Variants in ELOB observed in about 807,000 individuals in gnomAD.
The protein encoded by ELOB is elongin B, also known as elongin-B.
ELOB carries 3 observed loss-of-function variants against 12.9 expected under a neutral mutation model. The observed-to-expected ratio is 0.23, with a 90% confidence interval of 0.11 to 0.60. ELOB has a LOEUF of 0.60. Among genes scored for constraint, ELOB ranks in the 20% least tolerant of loss-of-function variants. The probability of loss-of-function intolerance (pLI) is 0.89; values close to 1 mark genes in which losing one functional copy is unlikely to be tolerated. For synonymous variants in ELOB, 84 were observed against 67.4 expected, an observed-to-expected ratio of 1.25 and a Z score of -1.21; for missense variants, 126 against 159.2, an observed-to-expected ratio of 0.79 and a Z score of 1.12.
Position 2,772,200 on chromosome 16 carries a change from T to G in ELOB, c.245-98A>C. 3.6e-6 allele frequency: 5 copies of G among 1,383,664 alleles called. No individual in the cohort carries two copies. In the South Asian group the frequency reaches 7.5e-5, roughly 21 times the overall value. The allele number at this position is 1,383,664 out of a possible 1,614,324, so 85.7% of individuals were successfully genotyped here. ...GTGATCATCTGCAGCTTTGGGGATC[T>G]CCATGCGAACGCCCCTCCACACGGC... is the stretch of plus-strand genomic sequence containing the variant. On this transcript the variant is annotated intron_variant, in intron 3 of 3. Transcript: ENST00000409906.
chr16:2,772,288 C>T, intron 3 of ELOB, 186 bp from the exon 4 acceptor site: 1 of 652,866 alleles, frequency 1.5e-6, no homozygotes, highest in Non-Finnish European at 2.3e-6. Context: ...GGTAATGTCT[C>T]CTACCCCTGT....
chr16:2,776,824 C>T (rs1160810660), intron 2 of ELOB, among the ~76,000 whole-genome samples, 169 bp downstream of exon 2: 8 of 152,092 alleles, frequency 5.3e-5, no homozygotes, highest in Non-Finnish European at 1.2e-4. Flanking sequence ...CGGAGATCCC[C>T]GCGGCGAGCG....
rs973797010 is a variant in ELOB at position 2,777,275 on chromosome 16, A to G, written c.-36T>C. The G allele has an allele frequency of 3.3e-5, 33 of 1,012,088 alleles. No homozygotes were observed. The African/African-American group carries it at 5.1e-4, about 16-fold the overall frequency. 62.7% of individuals were successfully genotyped at this position (1,012,088 alleles called of 1,614,324 possible). A position where few individuals can be genotyped will look rare whatever the true frequency, so the allele number is the denominator to read the frequency against. ...GCCTCTCCCCTCGACGCGCCGGCGCAGCCGCGCTCCGCCCCGTTCCCGGCA... is the reference window on the plus strand; with the variant it reads ...GCCTCTCCCCTCGACGCGCCGGCGCGGCCGCGCTCCGCCCCGTTCCCGGCA... On this transcript the variant is annotated 5_prime_UTR_variant, in exon 1 of 4. Transcript: ENST00000409906.
chr16:2,776,935 G>A (rs1245681645), intron 2 of ELOB, 58 bp downstream of exon 2: 12 of 1,520,334 alleles, frequency 7.9e-6, no homozygotes, highest in South Asian at 2.4e-5. Flanking sequence ...CAGCGTAGGC[G>A]TCAGCCCCGT....
At chr16:2,772,279 G>A (rs2068764008) in intron 3 of ELOB, 177 bp from the exon 4 acceptor site, 1 of 710,090 alleles carries the variant, frequency 1.4e-6, no homozygotes, top group African/African-American at 1.9e-5. Flanking sequence ...TGGCCCCACG[G>A]TAATGTCTCC....
At chr16:2,772,340 C>T in intron 3 of ELOB, 1 of 337,912 alleles carries the variant, frequency 3.0e-6, no homozygotes, top group African/African-American at 2.1e-5. Context: ...ACTGACCATG[C>T]TGGGGCCCCT....
At chr16:2,775,337 G>C in intron 3 of ELOB, 114 bp downstream of exon 3, 1 of 592,316 alleles carries the variant, frequency 1.7e-6, no homozygotes, top group East Asian at 3.1e-5. Flanking sequence ...CTTTAGGCAC[G>C]AGGAAGACAC....
chr16:2,776,918 T>A, intron 2 of ELOB, 75 bp downstream of exon 2: 1 of 1,481,148 alleles, frequency 6.8e-7, no homozygotes, highest in East Asian at 2.9e-5. Context: ...ACTGTTTACA[T>A]CGCGGACAGC....
intron 3 of ELOB, among the ~76,000 whole-genome samples, chr16:2,775,172 C>A (rs1324605800): frequency 1.3e-5 from 2 of 151,430 alleles, no homozygotes; most frequent in African/African-American, 4.8e-5. Context: ...GAGTAACATG[C>A]AGAGCACGGA....
At chr16:2,777,165 C>T (rs766827848) in intron 1 of ELOB, 38 bp from the exon 2 acceptor site, 4 of 1,240,098 alleles carry the variant, frequency 3.2e-6, no homozygotes, top group African/African-American at 1.6e-5. Flanking sequence ...GAAGCCCGGG[C>T]CCCCCGCGCG....
At chr16:2,775,591 A>G in intron 2 of ELOB, 35 bp from the exon 3 acceptor site, 1 of 1,574,348 alleles carries the variant, frequency 6.4e-7, no homozygotes, top group Middle Eastern at 1.7e-4. Flanking sequence ...GAGAGGCCCT[A>G]CATGGGGCAA....
chr16:2,775,307 G>C (rs888709407), intron 3 of ELOB, 144 bp downstream of exon 3: 2 of 496,988 alleles, frequency 4.0e-6, no homozygotes, highest in African/African-American at 3.9e-5. Context: ...CAAACACATT[G>C]TGAAAGGATA....
chr16:2,772,804 CG>C (rs1267201848), intron 3 of ELOB, among the ~76,000 whole-genome samples: 1 of 152,034 alleles, frequency 6.6e-6, no homozygotes, highest in African/African-American at 2.4e-5. Flanking sequence ...AAGTCCTTGC[CG>C]TCTGTCTCTC....
chr16:2,774,856 G>A (rs560760574), intron 3 of ELOB, among the ~76,000 whole-genome samples: 1 of 152,226 alleles, frequency 6.6e-6, no homozygotes. Context: ...CCAGGCTCTG[G>A]ATCTGAATCC....
intron 3 of ELOB, among the ~76,000 whole-genome samples, chr16:2,773,977 C>G (rs371482727): frequency 6.6e-6 from 1 of 152,310 alleles, no homozygotes; most frequent in East Asian, 1.9e-4. Flanking sequence ...GGCCTGTAAT[C>G]CCAGCACTTT....
chr16:2,774,090 C>T (rs190942798), intron 3 of ELOB, among the ~76,000 whole-genome samples: 2 of 152,146 alleles, frequency 1.3e-5, no homozygotes, highest in Non-Finnish European at 2.9e-5. Flanking sequence ...ATTAGCTGGG[C>T]GTGGTGGCAC....
At chr16:2,776,922 G>A in intron 2 of ELOB, 71 bp downstream of exon 2, 4 of 1,500,896 alleles carry the variant, frequency 2.7e-6, no homozygotes, top group Middle Eastern at 4.8e-4. Context: ...TTTACATCGC[G>A]GACAGCGTAG....
In ELOB at chr16:2,775,471, A is replaced by G. The variant is rs771712090; in HGVS notation, c.224T>C (p.Val75Ala). The stretch of plus-strand genomic sequence containing the variant: ...CTCACCTGCCCGGAAGGCCAGCCCC[A>G]CTGTGGCTGGGGCCTGTGGCCGTGC... ...QTARPQAPAT[V>A]GLAFRADDTF... is the part of the protein sequence containing the mutation. Residue 75 changes from valine to alanine, a missense_variant, in exon 3 of 4, where the codon GTG becomes GCG. Val to Ala is a moderately conservative substitution (Grantham distance 64). Coordinates refer to ENST00000409906, the MANE Select transcript of ELOB (RefSeq NM_007108.4). 1 of 1,604,352 alleles carries G rather than the reference A, an allele frequency of 6.2e-7. No homozygotes were observed. Among genetic ancestry groups the G allele is most frequent in the Admixed American group, 1.7e-5 (1 of 59,830 alleles).
In ELOB at chr16:2,771,830, G is replaced by A. The variant is rs1464475416; in HGVS notation, c.*160C>T. 1.8e-5 allele frequency: 26 copies of A among 1,452,566 alleles called. No homozygotes were observed. The highest frequency in any genetic ancestry group is 2.3e-5 in the Non-Finnish European group (25 of 1,105,952). The allele number at this position is 1,452,566 out of a possible 1,614,324, so 90.0% of individuals were successfully genotyped here. ...GGCCAAGTTCTCAGCCAGGGTCTCAGGATCTGGGAGACAGGACAGCACAGG... is the reference window on the plus strand; with the variant it reads ...GGCCAAGTTCTCAGCCAGGGTCTCAAGATCTGGGAGACAGGACAGCACAGG... On this transcript the variant is annotated 3_prime_UTR_variant, in exon 4 of 4. Transcript: ENST00000409906.
Sources: gnomAD v4.1 joint callset for allele counts (sites outside exome capture counted in the v4.1 genomes callset) on GRCh38, gnomAD v4.1.1 for gene constraint, MANE v1.5 for transcripts, NCBI Gene and HGNC (gene_info 2026-07-23, HGNC 2026-07-21) for gene names.